Variants in MBNL1 observed in about 807,000 individuals in gnomAD.
MBNL1 encodes muscleblind-like protein 1.
Under a neutral mutation model 42.2 loss-of-function variants are expected in MBNL1, and 8 were observed. The observed-to-expected ratio is 0.19, with a 90% CI of 0.11 to 0.34. The LOEUF (loss-of-function observed/expected upper bound fraction) is 0.34. MBNL1 is among the 10% of genes least tolerant of loss of function. The pLI, the probability that MBNL1 is intolerant of heterozygous loss-of-function variation, is 1.00. For missense variants in MBNL1, 309 were observed against 495.3 expected, an observed-to-expected ratio of 0.62 and a Z score of 3.57; for synonymous variants, 169 against 173.9, an observed-to-expected ratio of 0.97 and a Z score of 0.22.
chr3:152,269,260 G>T, intron 1 of MBNL1, 168 bp downstream of exon 1: 1 of 353,824 alleles, frequency 2.8e-6, no homozygotes. Context: ...AGCACCTCCT[G>T]CCCGGGGGAA....
chr3:152,322,777 A>G (rs1487775643), intron 2 of MBNL1, among the ~76,000 whole-genome samples: 3 of 152,082 alleles, frequency 2.0e-5, no homozygotes. Flanking sequence ...AAATTGACCT[A>G]ATAAAAGATC....
chr3:152,376,270 A>G (rs1285694539), intron 2 of MBNL1, among the ~76,000 whole-genome samples: 1 of 152,210 alleles, frequency 6.6e-6, no homozygotes, highest in Non-Finnish European at 1.5e-5. Context: ...AAAAGACTAT[A>G]TTTTGTTAAC....
At chr3:152,409,750 A>C (rs1460464519) in intron 2 of MBNL1, among the ~76,000 whole-genome samples, 2 of 152,210 alleles carry the variant, frequency 1.3e-5, no homozygotes, top group Non-Finnish European at 2.9e-5. Flanking sequence ...CTACTTAAAT[A>C]GAACTTGGTA....
intron 2 of MBNL1, among the ~76,000 whole-genome samples, chr3:152,397,060 C>T (rs942086610): frequency 6.6e-6 from 1 of 152,098 alleles, no homozygotes; most frequent in Non-Finnish European, 1.5e-5. Flanking sequence ...TATAATAATG[C>T]AATCCTGTTG....
intron 2 of MBNL1, among the ~76,000 whole-genome samples, chr3:152,343,018 A>G (rs193107588): frequency 1.2e-4 from 18 of 152,306 alleles, no homozygotes; most frequent in Admixed American, 1.0e-3. Context: ...TTAGTAGATG[A>G]TCTTCCATTT....
At chr3:152,387,062 G>A (rs765940288) in intron 2 of MBNL1, among the ~76,000 whole-genome samples, 2 of 151,966 alleles carry the variant, frequency 1.3e-5, no homozygotes, top group Admixed American at 6.6e-5. Context: ...CTGAGACCCC[G>A]TATAGCTTTA....
chr3:152,433,832 G>A (rs2099042151), intron 4 of MBNL1, among the ~76,000 whole-genome samples: 1 of 151,986 alleles, frequency 6.6e-6, no homozygotes, highest in Non-Finnish European at 1.5e-5. Context: ...TCTGCTGTTG[G>A]TACATGAAAA....
chr3:152,317,873 T>C lies in MBNL1; in HGVS notation c.174+17506T>C, dbSNP rs574339442. On this transcript the variant is annotated intron_variant, in intron 2 of 9. Coordinates refer to ENST00000324210, the MANE Select transcript of MBNL1 (RefSeq NM_021038.5). Reference sequence around the variant, plus strand: ...GTTCATTTGGTCATTTACCTTTTAATTGTAGTGGACTTAAATGTATACAGA... The same window carrying C: ...GTTCATTTGGTCATTTACCTTTTAACTGTAGTGGACTTAAATGTATACAGA... 2.6e-5 allele frequency among the ~76,000 whole-genome samples: 4 copies of C among 152,354 alleles called. No individual in the cohort carries two copies. The East Asian group carries it at 5.8e-4, about 22-fold the overall frequency.
intron 2 of MBNL1, among the ~76,000 whole-genome samples, chr3:152,303,110 A>G (rs569806075): frequency 1.3e-5 from 2 of 152,138 alleles, no homozygotes; most frequent in Non-Finnish European, 2.9e-5. Context: ...GATAATAGGA[A>G]GAAAATTAGC....
chr3:152,341,098 A>G (rs903270138), intron 2 of MBNL1: 11 of 592,656 alleles, frequency 1.9e-5, no homozygotes, highest in East Asian at 3.2e-5. Context: ...ACTTCAAAGT[A>G]TAACTAAATG....
At chr3:152,452,394 C>T (rs1305883874) in intron 6 of MBNL1, among the ~76,000 whole-genome samples, 1 of 152,082 alleles carries the variant, frequency 6.6e-6, no homozygotes, top group Non-Finnish European at 1.5e-5. Flanking sequence ...GACTACATGC[C>T]CCAGCTCCCT....
At chr3:152,379,179 T>C (rs1433498366) in intron 2 of MBNL1, among the ~76,000 whole-genome samples, 1 of 152,212 alleles carries the variant, frequency 6.6e-6, no homozygotes, top group Non-Finnish European at 1.5e-5. Context: ...ACCACTGACA[T>C]TTTTGATAAT....
intron 2 of MBNL1, among the ~76,000 whole-genome samples, chr3:152,318,611 T>C (rs756840915): frequency 2.0e-5 from 3 of 152,200 alleles, no homozygotes; most frequent in Non-Finnish European, 2.9e-5. Flanking sequence ...TTACAGATTC[T>C]CTTCTAGGTA....
intron 1 of MBNL1, among the ~76,000 whole-genome samples, chr3:152,294,695 T>C (rs1342783206): frequency 1.3e-5 from 2 of 152,186 alleles, no homozygotes; most frequent in Admixed American, 6.5e-5. Flanking sequence ...TAGAAATCTT[T>C]CCTTTAATAA....
chr3:152,358,768 C>CTAT (rs141444624), intron 2 of MBNL1, among the ~76,000 whole-genome samples: 24 of 151,414 alleles, frequency 1.6e-4, no homozygotes, highest in South Asian at 2.1e-4. Context: ...ATTATTATTA[C>CTAT]TATTATTATT....
intron 1 of MBNL1, among the ~76,000 whole-genome samples, chr3:152,273,684 T>C (rs552137426): frequency 6.6e-6 from 1 of 152,290 alleles, no homozygotes; most frequent in South Asian, 2.1e-4. Context: ...GAGTAGAGAA[T>C]TGCTTTTCCA....
intron 1 of MBNL1, among the ~76,000 whole-genome samples, chr3:152,279,858 T>C (rs1232207412): frequency 2.0e-5 from 3 of 152,186 alleles, no homozygotes; most frequent in African/African-American, 4.8e-5. Flanking sequence ...ATCTAATTTA[T>C]ACATCAGTCT....
At chr3:152,251,723 C>T (rs1015832133) in intron 2 of MBNL1, among the ~76,000 whole-genome samples, 5 of 151,958 alleles carry the variant, frequency 3.3e-5, no homozygotes, top group African/African-American at 7.2e-5. Context: ...CTCCTGCTAT[C>T]GTATCTAGAG....
chr3:152,354,030 AGTT>A (rs371181360), intron 2 of MBNL1, among the ~76,000 whole-genome samples: 1,682 of 152,292 alleles, frequency 0.011, 34 homozygotes, highest in African/African-American at 0.039. Context: ...CAGTAGACAA[AGTT>A]GTTGTTCAAA....
Sources: gnomAD v4.1 joint callset for allele counts (sites outside exome capture counted in the v4.1 genomes callset) on GRCh38, gnomAD v4.1.1 for gene constraint, MANE v1.5 for transcripts, NCBI Gene and HGNC (gene_info 2026-07-23, HGNC 2026-07-21) for gene names.